PTPN14: variants seen among roughly 807,000 people sequenced by gnomAD.
The protein encoded by PTPN14 is protein tyrosine phosphatase non-receptor type 14, also known as tyrosine-protein phosphatase non-receptor type 14.
Under a neutral mutation model 126.8 loss-of-function variants are expected in PTPN14, and 53 were observed. That is an observed-to-expected ratio of 0.42 (90% confidence interval 0.34 to 0.53). PTPN14 has a LOEUF of 0.53. Ranked by LOEUF, PTPN14 falls within the 20% of genes least tolerant of loss-of-function variation. The pLI is 0.08. For synonymous variants in PTPN14, 630 were observed against 599.3 expected (o/e 1.05, Z -0.75); for missense variants, 1,257 against 1,552.9 (o/e 0.81, Z 3.20).
intron 8 of PTPN14, among the ~76,000 whole-genome samples, chr1:214,395,872 C>G (rs1279880737): frequency 6.6e-6 from 1 of 152,058 alleles, no homozygotes; most frequent in Non-Finnish European, 1.5e-5. Flanking sequence ...AATTTTGAGA[C>G]TCAGCTCTGG....
chr1:214,522,573 G>A (rs1016052640), intron 1 of PTPN14, among the ~76,000 whole-genome samples: 1 of 152,088 alleles, frequency 6.6e-6, no homozygotes, highest in Non-Finnish European at 1.5e-5. Context: ...AAACAAATTC[G>A]CTGTCCTAAT....
At chr1:214,374,500 GTAT>G (rs1290216572) in intron 15 of PTPN14, among the ~76,000 whole-genome samples, 2 of 152,172 alleles carry the variant, frequency 1.3e-5, no homozygotes, top group African/African-American at 2.4e-5. Flanking sequence ...TGACAGAAGG[GTAT>G]TAAAAACTGC....
intron 1 of PTPN14, among the ~76,000 whole-genome samples, chr1:214,495,820 G>C (rs559607425): frequency 1.3e-5 from 2 of 151,920 alleles, no homozygotes; most frequent in East Asian, 3.9e-4. Context: ...TCAGCCTCCC[G>C]AGTAGCTGGG....
At chr1:214,409,143 C>T (rs1460249113) in intron 5 of PTPN14, among the ~76,000 whole-genome samples, 1 of 152,124 alleles carries the variant, frequency 6.6e-6, no homozygotes, top group Non-Finnish European at 1.5e-5. Flanking sequence ...TTTTGAAATA[C>T]ACATTATTAT....
At chr1:214,515,019 C>G (rs550672632) in intron 1 of PTPN14, among the ~76,000 whole-genome samples, 2 of 152,136 alleles carry the variant, frequency 1.3e-5, no homozygotes, top group African/African-American at 4.8e-5. Flanking sequence ...CTGCCGTGAC[C>G]GAGCAGGACT....
chr1:214,535,486 GTGTT>G, intron 1 of PTPN14, among the ~76,000 whole-genome samples: 1 of 152,280 alleles, frequency 6.6e-6, no homozygotes. Flanking sequence ...TTAGAAGAAA[GTGTT>G]TGCTGGGCTG....
intron 2 of PTPN14, among the ~76,000 whole-genome samples, chr1:214,453,995 AC>A (rs1660328825): frequency 6.6e-6 from 1 of 152,144 alleles, no homozygotes; most frequent in African/African-American, 2.4e-5. Context: ...AATTCAAGAA[AC>A]TTATCTGAAA....
intron 3 of PTPN14, among the ~76,000 whole-genome samples, chr1:214,435,928 A>G (rs1159587855): frequency 6.6e-6 from 1 of 152,238 alleles, no homozygotes; most frequent in East Asian, 1.9e-4. Flanking sequence ...ATTCCATTAT[A>G]AAGACACATG....
At chr1:214,533,372 C>T in intron 1 of PTPN14, 1 of 464,060 alleles carries the variant, frequency 2.2e-6, no homozygotes, top group Non-Finnish European at 4.1e-6. Context: ...TGATGGACAG[C>T]AGCAACTCCA....
At chr1:214,413,915 T>C (rs978615880) in intron 4 of PTPN14, among the ~76,000 whole-genome samples, 4 of 152,002 alleles carry the variant, frequency 2.6e-5, no homozygotes, top group African/African-American at 4.8e-5. Context: ...GTGATTCACC[T>C]GCCTCGACCT....
intron 1 of PTPN14, among the ~76,000 whole-genome samples, chr1:214,548,598 G>C (rs1042582784): frequency 1.3e-5 from 2 of 152,134 alleles, no homozygotes; most frequent in Non-Finnish European, 2.9e-5. Context: ...AAGCTCAAAT[G>C]CAAGAATTTG....
chr1:214,369,778 G>T, intron 16 of PTPN14, 87 bp from the exon 17 acceptor site: 2 of 1,213,712 alleles, frequency 1.6e-6, no homozygotes, highest in East Asian at 2.3e-5. Context: ...AGAAGAAAAT[G>T]CAAATAGCTT....
chr1:214,372,921 C>T, intron 15 of PTPN14, 82 bp from the exon 16 acceptor site: 15 of 1,546,668 alleles, frequency 9.7e-6, no homozygotes, highest in Non-Finnish European at 1.3e-5. Flanking sequence ...TCTGTATCCA[C>T]CTTAAAACCT....
intron 3 of PTPN14, among the ~76,000 whole-genome samples, chr1:214,418,771 A>C (rs1240174486): frequency 2.6e-5 from 4 of 152,220 alleles, no homozygotes; most frequent in African/African-American, 9.6e-5. Flanking sequence ...GCCAATGGTT[A>C]TTCAGATCTG....
intron 1 of PTPN14, among the ~76,000 whole-genome samples, chr1:214,504,307 C>T (rs1038867713): frequency 2.0e-5 from 3 of 152,080 alleles, no homozygotes; most frequent in African/African-American, 7.2e-5. Context: ...TGGTTGCATC[C>T]AAGCACATGG....
intron 1 of PTPN14, among the ~76,000 whole-genome samples, chr1:214,534,582 G>A (rs1356910714): frequency 1.3e-5 from 2 of 152,038 alleles, no homozygotes; most frequent in Non-Finnish European, 1.5e-5. Flanking sequence ...GCATGGTGGT[G>A]GGTGCCTGTG....
Position 214,383,229 on chromosome 1 carries a change from C to T in PTPN14, c.2544+82G>A. On this transcript the variant is annotated intron_variant, in intron 13 of 18. Coordinates refer to ENST00000366956, the MANE Select transcript of PTPN14 (RefSeq NM_005401.5). The surrounding 1 kb of genome is among the most constrained non-coding windows in gnomAD (Gnocchi z 4.4). ...ATTCCTTAAAAACCTACCACGTTCC[C>T]TGCATAAGCCCTGCCCCTTGCTCAG... The T allele has an allele frequency of 6.8e-7, 1 of 1,478,686 alleles. No homozygotes were observed. The highest frequency in any genetic ancestry group is 9.1e-7 in the Non-Finnish European group (1 of 1,094,466). The allele number at this position is 1,478,686 out of a possible 1,614,324, so 91.6% of individuals were successfully genotyped here.
chr1:214,502,375 T>C (rs980645453), intron 1 of PTPN14, among the ~76,000 whole-genome samples: 10 of 152,182 alleles, frequency 6.6e-5, no homozygotes, highest in Non-Finnish European at 1.5e-5. Context: ...ATGATGTGCA[T>C]TTTATAAACC....
At chr1:214,417,702 C>T (rs1314995363) in intron 3 of PTPN14, among the ~76,000 whole-genome samples, 1 of 152,182 alleles carries the variant, frequency 6.6e-6, no homozygotes, top group African/African-American at 2.4e-5. Flanking sequence ...TCATGCTTCT[C>T]AGAGTGAGCA....
Sources: gnomAD v4.1 joint callset for allele counts (sites outside exome capture counted in the v4.1 genomes callset) on GRCh38, gnomAD v4.1.1 for gene constraint, Gnocchi (gnomAD v3.1) non-coding constraint, MANE v1.5 for transcripts, NCBI Gene and HGNC (gene_info 2026-07-23, HGNC 2026-07-21) for gene names.